BRD10: variants seen among roughly 807,000 people sequenced by gnomAD.
BRD10 encodes the protein bromodomain containing 10, also known as uncharacterized bromodomain-containing protein 10.
the BRD10 span, among the ~76,000 whole-genome samples, chr9:5,978,203 C>G: frequency 6.6e-6 from 1 of 151,918 alleles, no homozygotes; most frequent in African/African-American, 2.4e-5. Flanking sequence ...CTAATAGAAG[C>G]TGTGCCTAAG....
the BRD10 span, chr9:5,919,608 A>AT: frequency 8.2e-7 from 1 of 1,222,390 alleles, no homozygotes; most frequent in Non-Finnish European, 1.1e-6. Flanking sequence ...TTTCAACAGT[A>AT]TAATAAACAT....
At chr9:5,967,930 T>C in the BRD10 span, 3 of 783,760 alleles carry the variant, frequency 3.8e-6, no homozygotes, top group Admixed American at 5.9e-5. Flanking sequence ...TGCATTTTAC[T>C]CTCTCAATCA....
At chr9:6,001,259 T>C in the BRD10 span, among the ~76,000 whole-genome samples, 9 of 152,304 alleles carry the variant, frequency 5.9e-5, no homozygotes, top group African/African-American at 1.7e-4. Flanking sequence ...TCTTCCCTCA[T>C]TGTCCTTTCA....
At chr9:5,893,082 G>A in the BRD10 span, among the ~76,000 whole-genome samples, 1 of 152,184 alleles carries the variant, frequency 6.6e-6, no homozygotes, top group Admixed American at 6.5e-5. Context: ...TTAAAAATAA[G>A]TATTTATATG....
At chr9:5,999,599 A>G in the BRD10 span, among the ~76,000 whole-genome samples, 2 of 152,174 alleles carry the variant, frequency 1.3e-5, no homozygotes, top group East Asian at 3.9e-4. Context: ...GCCCTCTGTG[A>G]TCTGGCTACA....
At chr9:5,919,578 AC>A in the BRD10 span, 1 of 980,986 alleles carries the variant, frequency 1.0e-6, no homozygotes, top group Non-Finnish European at 1.5e-6. Flanking sequence ...ACACACACAC[AC>A]ACACAATGTA....
the BRD10 span, among the ~76,000 whole-genome samples, chr9:5,933,234 C>A: frequency 6.6e-6 from 1 of 152,150 alleles, no homozygotes; most frequent in East Asian, 1.9e-4. Flanking sequence ...TTAACTGTTT[C>A]CATGTTAGAA....
At chr9:5,968,575 C>G in the BRD10 span, 3 of 1,613,874 alleles carry the variant, frequency 1.9e-6, no homozygotes, top group Middle Eastern at 1.6e-4. Context: ...TATCCAAGAT[C>G]ATTTTAGCAG....
chr9:5,930,757 C>T, the BRD10 span, among the ~76,000 whole-genome samples: 1 of 152,020 alleles, frequency 6.6e-6, no homozygotes, highest in Non-Finnish European at 1.5e-5. Flanking sequence ...TTCTAAAGTA[C>T]ACAAAGGACG....
the BRD10 span, among the ~76,000 whole-genome samples, chr9:5,992,411 C>T: frequency 6.6e-6 from 1 of 152,288 alleles, no homozygotes; most frequent in Non-Finnish European, 1.5e-5. Context: ...AAACATGTTA[C>T]TATCTACTTG....
At chr9:6,003,513 C>T in the BRD10 span, among the ~76,000 whole-genome samples, 1 of 152,116 alleles carries the variant, frequency 6.6e-6, no homozygotes, top group Non-Finnish European at 1.5e-5. Context: ...TAAAATATAA[C>T]TTTCTTGAGA....
At chr9:5,904,833 G>GT in the BRD10 span, among the ~76,000 whole-genome samples, 1 of 151,512 alleles carries the variant, frequency 6.6e-6, no homozygotes. Flanking sequence ...GAGTGCAGTG[G>GT]TATGATCTGG....
the BRD10 span, chr9:6,007,097 G>T: frequency 7.9e-7 from 1 of 1,263,630 alleles, no homozygotes; most frequent in Non-Finnish European, 1.1e-6. Context: ...GCACCTATCA[G>T]CGCCGCCCCC....
At chr9:5,962,411 A>T in the BRD10 span, among the ~76,000 whole-genome samples, 201 of 107,766 alleles carry the variant, frequency 1.9e-3, no homozygotes, top group Non-Finnish European at 3.3e-3. Context: ...TTGTGGCAAT[A>T]ATCAATAGTT....
the BRD10 span, among the ~76,000 whole-genome samples, chr9:5,956,619 T>G: frequency 6.6e-6 from 1 of 152,158 alleles, no homozygotes. Flanking sequence ...GATCAATAAA[T>G]GTTAGCTATT....
chr9:5,880,584 G>T, the BRD10 span, among the ~76,000 whole-genome samples: 4 of 152,224 alleles, frequency 2.6e-5, no homozygotes, highest in East Asian at 7.7e-4. Flanking sequence ...TAAAAAGTCT[G>T]AATTAGTTTT....
the BRD10 span, among the ~76,000 whole-genome samples, chr9:5,962,217 A>C: frequency 9.9e-5 from 15 of 151,220 alleles, no homozygotes; most frequent in African/African-American, 3.7e-4. Context: ...AAAAAATGAT[A>C]AAGGGGATAT....
chr9:5,975,908 G>T, the BRD10 span, among the ~76,000 whole-genome samples: 1 of 152,086 alleles, frequency 6.6e-6, no homozygotes, highest in Non-Finnish European at 1.5e-5. Flanking sequence ...TATATGAGAT[G>T]GACGAGGCAG....
the BRD10 span, among the ~76,000 whole-genome samples, chr9:5,978,721 TCCAAG>T: frequency 6.6e-6 from 1 of 152,136 alleles, no homozygotes; most frequent in Non-Finnish European, 1.5e-5. Flanking sequence ...TAGAAGGTTC[TCCAAG>T]AAAAACTACA....
Sources: allele counts gnomAD v4.1 joint callset (sites outside exome capture counted in the v4.1 genomes callset), GRCh38; gene constraint gnomAD v4.1.1; transcripts MANE v1.5; gene names NCBI Gene and HGNC (gene_info 2026-07-23, HGNC 2026-07-21).